The following VAV3 variants were observed in gnomAD, a reference collection of about 807,000 sequenced individuals.
The protein encoded by VAV3 is guanine nucleotide exchange factor VAV3.
Under a neutral mutation model 131.2 loss-of-function variants are expected in VAV3, and 94 were observed. The observed-to-expected ratio is 0.72, with a 90% CI of 0.61 to 0.85. The LOEUF is 0.85. VAV3 is among the 40% of genes least tolerant of loss of function. The pLI is 0.00. For missense variants in VAV3, 939 were observed against 1,002.7 expected (o/e 0.94, Z 0.86); for synonymous variants, 349 against 342.0 (o/e 1.02, Z -0.22).
rs1670429232 is a variant in VAV3, at chr1:107,875,029, A to T, written c.205-12T>A. The T allele has an allele frequency of 1.2e-6, 2 of 1,603,176 alleles. No individual in the cohort carries two copies. Among genetic ancestry groups the T allele is most frequent in the Non-Finnish European group, 1.7e-6 (2 of 1,170,358 alleles). On this transcript the variant is annotated splice_polypyrimidine_tract_variant and intron_variant, in intron 1 of 26. Transcript: ENST00000370056. ...TTCAAACAGAGAAACTGAGGAATGGAAAAGAGCTGTTAGCATAAAGTTAAT... is the reference window on the plus strand; with the variant it reads ...TTCAAACAGAGAAACTGAGGAATGGTAAAGAGCTGTTAGCATAAAGTTAAT...
intron 1 of VAV3, among the ~76,000 whole-genome samples, chr1:107,926,593 T>C (rs1673169614): frequency 6.6e-6 from 1 of 151,578 alleles, no homozygotes; most frequent in Non-Finnish European, 1.5e-5. Flanking sequence ...CATCTCCTGG[T>C]AGTAGCTGTG....
At chr1:107,585,833 T>C (rs534800910) in intron 25 of VAV3, among the ~76,000 whole-genome samples, 184 of 152,330 alleles carry the variant, frequency 1.2e-3, no homozygotes, top group African/African-American at 4.3e-3. Flanking sequence ...ACAAATGCTC[T>C]ACACACACTG....
intron 2 of VAV3, among the ~76,000 whole-genome samples, chr1:107,873,812 C>T (rs538768987): frequency 4.6e-5 from 7 of 152,194 alleles, no homozygotes; most frequent in East Asian, 3.9e-4. Context: ...AAGGCTGGTG[C>T]CTTCTAGATC....
At chr1:107,834,451 T>C (rs111849398) in intron 2 of VAV3, among the ~76,000 whole-genome samples, 10,556 of 151,542 alleles carry the variant, frequency 0.07, 770 homozygotes, top group African/African-American at 0.19. Flanking sequence ...CTACAGGAAA[T>C]TGGAATATTC....
rs114985838 is a variant in VAV3 at position 107,725,803 on chromosome 1, G to A, written c.1503-20742C>T. Among the ~76,000 whole-genome samples, 276 of 152,232 alleles carry A rather than the reference G, an allele frequency of 1.8e-3. 1 individual carries two copies. The highest frequency in any genetic ancestry group is 6.4e-3 in the African/African-American group (266 of 41,540). Reference sequence around the variant, plus strand: ...GTTGGGATTACAGGTGTGAGCCACCGTGCCCAGATGGCAAATTTCAGTAGC... The same window carrying A: ...GTTGGGATTACAGGTGTGAGCCACCATGCCCAGATGGCAAATTTCAGTAGC... On this transcript the variant is annotated intron_variant, in intron 15 of 26. Transcript: ENST00000370056.
chr1:107,876,678 C>T (rs750605049), intron 1 of VAV3, among the ~76,000 whole-genome samples: 7 of 152,070 alleles, frequency 4.6e-5, no homozygotes, highest in Non-Finnish European at 8.8e-5. Context: ...TTAAAATTTG[C>T]TTTCAGTGTC....
chr1:107,697,096 A>G (rs1023553689), intron 17 of VAV3, among the ~76,000 whole-genome samples: 1 of 152,094 alleles, frequency 6.6e-6, no homozygotes, highest in African/African-American at 2.4e-5. Context: ...CACTCTACCC[A>G]CAGTTACCAC....
At chr1:107,914,144 G>T (rs1439686489) in intron 1 of VAV3, among the ~76,000 whole-genome samples, 2 of 152,168 alleles carry the variant, frequency 1.3e-5, no homozygotes, top group Admixed American at 6.5e-5. Context: ...ATACAGAGAT[G>T]ATAGGCAGAT....
chr1:107,668,399 T>C (rs1439168121), intron 19 of VAV3, among the ~76,000 whole-genome samples: 1 of 152,218 alleles, frequency 6.6e-6, no homozygotes, highest in Non-Finnish European at 1.5e-5. Flanking sequence ...TGGACACCTG[T>C]CACAACTCTC....
chr1:107,699,340 A>G (rs1289355902), intron 17 of VAV3, among the ~76,000 whole-genome samples: 1 of 152,244 alleles, frequency 6.6e-6, no homozygotes, highest in Non-Finnish European at 1.5e-5. Flanking sequence ...TTCTGACTCC[A>G]TGTCTCATAT....
At chr1:107,838,818 C>T (rs1197847630) in intron 2 of VAV3, among the ~76,000 whole-genome samples, 5 of 151,988 alleles carry the variant, frequency 3.3e-5, no homozygotes, top group Non-Finnish European at 5.9e-5. Flanking sequence ...GGTGCTGGAG[C>T]GTATTAGCCT....
At position 107,888,004 on chromosome 1, in the gene VAV3, TG is replaced by T. The variant is rs574702173; in HGVS notation, c.205-12988del. Among the ~76,000 whole-genome samples, 407 of 147,804 alleles carry T rather than the reference TG, an allele frequency of 2.8e-3. 3 individuals carry two copies. Among genetic ancestry groups the T allele is most frequent in the African/African-American group, 5.5e-3 (220 of 40,322 alleles). ...GCTGTTTTGGTTCTATCCAAAAATT[TG>T]GGGGGGGGGTTATTTTGTAAAGTAT... On this transcript the variant is annotated intron_variant, in intron 1 of 26. Coordinates refer to ENST00000370056, the MANE Select transcript of VAV3 (RefSeq NM_006113.5).
chr1:107,594,159 T>C (rs1651183807), intron 25 of VAV3, among the ~76,000 whole-genome samples: 1 of 152,052 alleles, frequency 6.6e-6, no homozygotes, highest in African/African-American at 2.4e-5. Flanking sequence ...ACCCCTTCTC[T>C]CCTTTTGAGT....
At chr1:107,829,417 T>C (rs940555819) in intron 2 of VAV3, among the ~76,000 whole-genome samples, 2 of 152,214 alleles carry the variant, frequency 1.3e-5, no homozygotes, top group Non-Finnish European at 2.9e-5. Flanking sequence ...TACATTAAAG[T>C]GTATTAGAAT....
intron 19 of VAV3, among the ~76,000 whole-genome samples, chr1:107,664,152 T>C (rs1333820947): frequency 6.6e-6 from 1 of 152,186 alleles, no homozygotes; most frequent in Non-Finnish European, 1.5e-5. Context: ...TTTCACCTTG[T>C]TTTGTACAAT....
chr1:107,770,501 GCTTTGAGAT>G, intron 6 of VAV3, 126 bp downstream of exon 6: 1 of 655,440 alleles, frequency 1.5e-6, no homozygotes, highest in Non-Finnish European at 2.7e-6. Flanking sequence ...GAATAAATCT[GCTTTGAGAT>G]CTTTAAGTAC....
chr1:107,777,083 G>T, intron 4 of VAV3, 148 bp downstream of exon 4: 1 of 719,604 alleles, frequency 1.4e-6, no homozygotes, highest in Non-Finnish European at 2.4e-6. Flanking sequence ...ACATTTTCTT[G>T]TAAAGCTTTC....
chr1:107,871,702 T>C (rs1450100347), intron 2 of VAV3, among the ~76,000 whole-genome samples: 1 of 152,186 alleles, frequency 6.6e-6, no homozygotes, highest in Non-Finnish European at 1.5e-5. Context: ...AATTATCATT[T>C]GTGTTAACAC....
chr1:107,805,962 G>C (rs1015172934), intron 2 of VAV3, among the ~76,000 whole-genome samples: 1 of 152,114 alleles, frequency 6.6e-6, no homozygotes, highest in Admixed American at 6.6e-5. Context: ...CTAGCAGTGT[G>C]GGGAGGCTGG....
Sources: allele counts gnomAD v4.1 joint callset (sites outside exome capture counted in the v4.1 genomes callset), GRCh38; gene constraint gnomAD v4.1.1; transcripts MANE v1.5; gene names NCBI Gene and HGNC (gene_info 2026-07-23, HGNC 2026-07-21).